The following RBFOX1 variants were observed in gnomAD, a reference collection of about 807,000 sequenced individuals.
RBFOX1 encodes RNA binding fox-1 homolog 1.
RBFOX1 carries 8 observed loss-of-function variants against 57.7 expected under a neutral mutation model. The observed-to-expected ratio is 0.14, with a 90% CI of 0.08 to 0.25. RBFOX1 has a LOEUF of 0.25. Among genes scored for constraint, RBFOX1 ranks in the 10% least tolerant of loss-of-function variants. The pLI is 1.00. For synonymous variants in RBFOX1, 326 were observed against 222.4 expected, an observed-to-expected ratio of 1.47 and a Z score of -4.15; for missense variants, 611 against 548.5, an observed-to-expected ratio of 1.11 and a Z score of -1.14.
chr16:6,774,112 A>T (rs530160512), intron 3 of RBFOX1: 48 of 657,568 alleles, frequency 7.3e-5, no homozygotes, highest in Non-Finnish European at 8.9e-5. Context: ...GACTTTTTGT[A>T]AAATACCAAG....
At chr16:5,711,841 G>A (rs1036778376) in intron 3 of RBFOX1, among the ~76,000 whole-genome samples, 5 of 152,238 alleles carry the variant, frequency 3.3e-5, no homozygotes, top group Non-Finnish European at 7.3e-5. Context: ...AGAAAATGAT[G>A]ATGGTGATGA....
At chr16:7,362,646 G>A (rs1016297824) in intron 4 of RBFOX1, among the ~76,000 whole-genome samples, 1 of 151,214 alleles carries the variant, frequency 6.6e-6, no homozygotes, top group Non-Finnish European at 1.5e-5. Context: ...GCGTATCTTA[G>A]TATGTGTATG....
intron 4 of RBFOX1, among the ~76,000 whole-genome samples, chr16:5,970,091 T>A (rs938150191): frequency 6.6e-6 from 1 of 152,112 alleles, no homozygotes; most frequent in Non-Finnish European, 1.5e-5. Flanking sequence ...ACGATGGGTG[T>A]CTCCTTTTGT....
intron 1 of RBFOX1, among the ~76,000 whole-genome samples, chr16:5,378,405 A>G (rs937635386): frequency 2.6e-5 from 4 of 151,526 alleles, no homozygotes; most frequent in Admixed American, 2.0e-4. Context: ...CCCGCCCAGG[A>G]TCGGGGAGTT....
At chr16:6,646,273 G>T (rs1389210393) in intron 2 of RBFOX1, among the ~76,000 whole-genome samples, 1 of 152,116 alleles carries the variant, frequency 6.6e-6, no homozygotes, top group Non-Finnish European at 1.5e-5. Flanking sequence ...TCCAATTTGA[G>T]TCCAGCATTG....
chr16:6,885,428 T>C (rs189486426), intron 3 of RBFOX1, among the ~76,000 whole-genome samples: 15 of 152,362 alleles, frequency 9.8e-5, no homozygotes, highest in Admixed American at 9.8e-4. Flanking sequence ...TAATAACAGC[T>C]GAGTTCTATA....
At chr16:6,700,195 C>A (rs184640518) in intron 3 of RBFOX1, among the ~76,000 whole-genome samples, 1 of 152,210 alleles carries the variant, frequency 6.6e-6, no homozygotes, top group Non-Finnish European at 1.5e-5. Context: ...CAATTTTTCA[C>A]CCAGAGAGGA....
At position 5,705,970 on chromosome 16, in the gene RBFOX1, G is replaced by A. The variant is rs564331855; in HGVS notation, c.318+107009G>A. ...CTGTTGCCCACGATGGAGTGCAGTGGTGTGCTCTCCATTCACTGCAACCTC... is the reference window on the plus strand; with the variant it reads ...CTGTTGCCCACGATGGAGTGCAGTGATGTGCTCTCCATTCACTGCAACCTC... On this transcript the variant is annotated intron_variant, in intron 3 of 19. Coordinates refer to the RBFOX1 transcript ENST00000641259. 1.7e-3 allele frequency among the ~76,000 whole-genome samples: 263 copies of A among 152,274 alleles called. 1 individual carries two copies. Among genetic ancestry groups the A allele is most frequent in the Non-Finnish European group, 3.2e-3 (216 of 68,018 alleles).
At chr16:7,600,700 T>G (rs2094964973) in intron 9 of RBFOX1, among the ~76,000 whole-genome samples, 1 of 152,210 alleles carries the variant, frequency 6.6e-6, no homozygotes, top group Non-Finnish European at 1.5e-5. Context: ...AGCATCACCT[T>G]CATGCATTAC....
chr16:6,676,972 A>C (rs575442001), intron 3 of RBFOX1, among the ~76,000 whole-genome samples: 7 of 152,196 alleles, frequency 4.6e-5, no homozygotes, highest in Admixed American at 2.6e-4. Context: ...CACCATGCCC[A>C]GCCGTTAACT....
chr16:5,413,363 C>T (rs929046596), intron 1 of RBFOX1, among the ~76,000 whole-genome samples: 9 of 152,166 alleles, frequency 5.9e-5, no homozygotes, highest in Non-Finnish European at 1.2e-4. Context: ...TTACTGGCTA[C>T]TGAAAGAACT....
chr16:7,138,817 C>CT lies in RBFOX1; in HGVS notation c.27+86726dup, dbSNP rs533382589. On this transcript the variant is annotated intron_variant, in intron 4 of 15. Coordinates refer to ENST00000550418, the MANE Select transcript of RBFOX1 (RefSeq NM_018723.4). ...AGCTCTGCTGCTGGATAAACTCAGA[C>CT]TTTTTTTATAAGATGGAGTCTGGCT... 8.7e-4 allele frequency among the ~76,000 whole-genome samples: 133 copies of CT among 152,186 alleles called. 1 individual carries two copies. The East Asian group carries it at 0.024, about 27-fold the overall frequency.
At chr16:6,990,762 C>T (rs2091290501) in intron 3 of RBFOX1, among the ~76,000 whole-genome samples, 1 of 152,100 alleles carries the variant, frequency 6.6e-6, no homozygotes, top group Non-Finnish European at 1.5e-5. Flanking sequence ...CTTCCATGTC[C>T]ATCTCAGGAT....
chr16:6,832,333 G>A (rs546241733), intron 3 of RBFOX1, among the ~76,000 whole-genome samples: 7 of 152,118 alleles, frequency 4.6e-5, no homozygotes, highest in Non-Finnish European at 8.8e-5. Context: ...CTCATTATGT[G>A]GTTACAGAGT....
Position 6,931,259 on chromosome 16 carries a change from CA to C in RBFOX1, c.-15-120786del, listed in dbSNP as rs547697510. On this transcript the variant is annotated intron_variant, in intron 3 of 15. Transcript: ENST00000550418. ...GGGGTTGTTTGCTCTTTGGTGCTAC[CA>C]AAAAAAAAAAATCTATCTATCTGTC... Among the ~76,000 whole-genome samples, 1,308 of 137,308 alleles carry C rather than the reference CA, an allele frequency of 9.5e-3. 14 individuals are homozygous for C. Among genetic ancestry groups the C allele is most frequent in the African/African-American group, 0.028 (1,036 of 37,146 alleles). 90.1% of individuals were successfully genotyped at this position (137,308 alleles called of 152,430 possible).
intron 10 of RBFOX1, among the ~76,000 whole-genome samples, chr16:7,621,262 GA>G (rs1305938116): frequency 6.6e-6 from 1 of 151,926 alleles, no homozygotes; most frequent in African/African-American, 2.4e-5. Context: ...ATAACTTTTT[GA>G]ATTTTTTTTT....
At chr16:7,025,841 G>C (rs1252518246) in intron 3 of RBFOX1, among the ~76,000 whole-genome samples, 1 of 152,146 alleles carries the variant, frequency 6.6e-6, no homozygotes, top group Admixed American at 6.5e-5. Context: ...AGCAACCCCA[G>C]GTCAGGGATT....
chr16:6,981,950 C>G (rs375933502), intron 3 of RBFOX1, among the ~76,000 whole-genome samples: 1 of 152,108 alleles, frequency 6.6e-6, no homozygotes, highest in African/African-American at 2.4e-5. Context: ...TACAATAGAA[C>G]TTTTTATTGG....
chr16:6,448,247 C>T (rs1261556115), intron 2 of RBFOX1, among the ~76,000 whole-genome samples: 2 of 143,700 alleles, frequency 1.4e-5, no homozygotes, highest in Non-Finnish European at 3.0e-5. Context: ...GCAATCTCCC[C>T]CTCCTGGGTT....
Sources: gnomAD v4.1 joint callset for allele counts (sites outside exome capture counted in the v4.1 genomes callset) on GRCh38, gnomAD v4.1.1 for gene constraint, MANE v1.5 for transcripts, NCBI Gene and HGNC (gene_info 2026-07-23, HGNC 2026-07-21) for gene names.